Variants in OSBPL10 observed in about 807,000 individuals in gnomAD.
OSBPL10 encodes oxysterol-binding protein-related protein 10.
OSBPL10 carries 49 observed loss-of-function variants against 81.7 expected under a neutral mutation model. The ratio of observed to expected loss-of-function variants is 0.60; its 90% CI spans 0.48 to 0.76. OSBPL10 has a LOEUF of 0.76. Among genes scored for constraint, OSBPL10 ranks in the 30% least tolerant of loss-of-function variants. OSBPL10 has a pLI of 0.00. For missense variants in OSBPL10, 923 were observed against 987.8 expected (o/e 0.93, Z 0.88); for synonymous variants, 419 against 383.6 (o/e 1.09, Z -1.08).
At chr3:31,989,562 G>A (rs376800921) in intron 2 of OSBPL10, 26 of 1,614,008 alleles carry the variant, frequency 1.6e-5, no homozygotes, top group East Asian at 4.5e-5. Flanking sequence ...GCTTTCATTC[G>A]CATCTTCCTG....
chr3:31,840,732 GCTT>G (rs771553847), intron 3 of OSBPL10, among the ~76,000 whole-genome samples: 2 of 152,154 alleles, frequency 1.3e-5, no homozygotes, highest in Non-Finnish European at 1.5e-5. Flanking sequence ...TTGATATTTG[GCTT>G]CTTCTTTTCT....
intron 2 of OSBPL10, chr3:32,030,789 A>G: frequency 3.4e-6 from 2 of 581,206 alleles, no homozygotes; most frequent in Non-Finnish European, 6.1e-6. Flanking sequence ...TTGGAAACAC[A>G]TTTTCTCCAA....
chr3:31,783,789 T>TAAAAAAAA (rs869137696), intron 4 of OSBPL10, among the ~76,000 whole-genome samples: 3 of 19,956 alleles, frequency 1.5e-4, no homozygotes, highest in African/African-American at 4.6e-4. Flanking sequence ...AGACTCCGAT[T>TAAAAAAAA]AAAAAAAAAA....
Position 31,879,850 on chromosome 3 carries a change from T to C in OSBPL10, c.282-20A>G, listed in dbSNP as rs1695507660. The C allele has an allele frequency of 1.9e-6, 3 of 1,607,666 alleles. No individual in the cohort carries two copies. Among genetic ancestry groups the C allele is most frequent in the South Asian group, 2.2e-5 (2 of 89,926 alleles). ...AAGTACCTGCACAGAGAAACCACAG[T>C]ACATCATTTTTCTCTCCTACCCTAT... On this transcript the variant is annotated intron_variant, in intron 1 of 11. Transcript: ENST00000396556.
At chr3:31,788,092 T>G (rs936166002) in intron 4 of OSBPL10, among the ~76,000 whole-genome samples, 1 of 150,990 alleles carries the variant, frequency 6.6e-6, no homozygotes, top group Non-Finnish European at 1.5e-5. Context: ...TAGGTTATTG[T>G]TTTTTTTCTC....
At chr3:31,673,080 G>C (rs1313691763) in intron 8 of OSBPL10, among the ~76,000 whole-genome samples, 2 of 152,052 alleles carry the variant, frequency 1.3e-5, no homozygotes, top group Non-Finnish European at 2.9e-5. Flanking sequence ...AAAGCCCCAG[G>C]CCACCTCTTG....
rs143583788 is a variant in OSBPL10 at position 31,993,164 on chromosome 3, CTTATTTTATTTTATTTTATT to C, written n.298+53307_298+53326del. ...CCTCAAAATGCAGAAGTAAGAAAAC[CTTATTTTATTTTATTTTATT>C]TTATTTTATTTTATTTTATTTTATT... On this transcript the variant is annotated intron_variant and non_coding_transcript_variant, in intron 2 of 3. Coordinates refer to the OSBPL10 transcript ENST00000479173. 8.9e-4 allele frequency among the ~76,000 whole-genome samples: 115 copies of C among 129,112 alleles called. 1 individual carries two copies. Among genetic ancestry groups the C allele is most frequent in the East Asian group, 4.4e-3 (19 of 4,362 alleles). 84.7% of individuals were successfully genotyped at this position (129,112 alleles called of 152,430 possible).
At chr3:31,997,670 C>T (rs988946382) in intron 2 of OSBPL10, among the ~76,000 whole-genome samples, 1 of 152,012 alleles carries the variant, frequency 6.6e-6, no homozygotes, top group Non-Finnish European at 1.5e-5. Context: ...AGTCTGCTTA[C>T]CACAAATTTC....
At chr3:31,981,409 G>A, upstream of OSBPL10, 1 of 628,224 alleles carries the variant, frequency 1.6e-6, no homozygotes, top group Non-Finnish European at 2.3e-6. The surrounding 1 kb of genome is among the most constrained non-coding windows in gnomAD (Gnocchi z 4.5). Flanking sequence ...CGCGGCCAGG[G>A]CCCGGCCCCT....
intron 2 of OSBPL10, among the ~76,000 whole-genome samples, chr3:32,031,819 T>C (rs946994210): frequency 6.6e-6 from 1 of 152,098 alleles, no homozygotes; most frequent in African/African-American, 2.4e-5. Context: ...TCAACAAATA[T>C]TCAGAAATAG....
At position 31,965,421 on chromosome 3, in the gene OSBPL10, T is replaced by A. The variant is rs1206724457; in HGVS notation, c.281+15478A>T. ...TATAATATAAAATATATATTATATATAATAGATAATATATAATATATATTA... is the reference window on the plus strand; with the variant it reads ...TATAATATAAAATATATATTATATAAAATAGATAATATATAATATATATTA... On this transcript the variant is annotated intron_variant, in intron 1 of 11. Coordinates refer to ENST00000396556, the MANE Select transcript of OSBPL10 (RefSeq NM_017784.5). Among the ~76,000 whole-genome samples, 8 of 105,880 alleles carry A rather than the reference T, an allele frequency of 7.6e-5. 1 individual carries two copies. Among genetic ancestry groups the A allele is most frequent in the African/African-American group, 2.4e-4 (6 of 25,120 alleles). 69.5% of individuals were successfully genotyped at this position (105,880 alleles called of 152,430 possible).
chr3:31,763,764 A>C (rs890760441), intron 4 of OSBPL10, among the ~76,000 whole-genome samples: 1 of 152,224 alleles, frequency 6.6e-6, no homozygotes, highest in African/African-American at 2.4e-5. Flanking sequence ...ATGCATCTCC[A>C]AATGGCACTT....
At chr3:31,665,934 G>A (rs76981842) in intron 10 of OSBPL10, among the ~76,000 whole-genome samples, 6 of 152,284 alleles carry the variant, frequency 3.9e-5, no homozygotes, top group African/African-American at 1.4e-4. Flanking sequence ...AGGGTGATGG[G>A]ACCAGAACCA....
At chr3:31,891,683 G>A (rs1052887942) in intron 1 of OSBPL10, among the ~76,000 whole-genome samples, 2 of 152,110 alleles carry the variant, frequency 1.3e-5, no homozygotes, top group African/African-American at 4.8e-5. Flanking sequence ...GCCATTTTTG[G>A]GGGGTGCCAG....
chr3:32,008,412 T>C (rs958765880), intron 2 of OSBPL10, among the ~76,000 whole-genome samples: 1 of 151,646 alleles, frequency 6.6e-6, no homozygotes, highest in Admixed American at 6.6e-5. Context: ...CTTGGCTTCC[T>C]ACAGTGCTGG....
chr3:32,060,405 C>T (rs1010836409), intron 1 of OSBPL10, among the ~76,000 whole-genome samples: 3 of 152,154 alleles, frequency 2.0e-5, no homozygotes, highest in Non-Finnish European at 4.4e-5. Context: ...CCAGGCCGAA[C>T]GCCATCATTC....
chr3:31,847,649 TGAGA>T (rs1022811019), intron 3 of OSBPL10, among the ~76,000 whole-genome samples: 1 of 152,032 alleles, frequency 6.6e-6, no homozygotes, highest in African/African-American at 2.4e-5. Context: ...CACTCAACAC[TGAGA>T]GAGAGAATAC....
chr3:32,038,792 T>A (rs1226255005), intron 2 of OSBPL10, among the ~76,000 whole-genome samples: 3 of 152,180 alleles, frequency 2.0e-5, no homozygotes, highest in Non-Finnish European at 2.9e-5. Flanking sequence ...CTAAAAATCA[T>A]TTAATTGTAC....
At chr3:31,989,012 A>G (rs528676121) in intron 2 of OSBPL10, 1 of 1,582,974 alleles carries the variant, frequency 6.3e-7, no homozygotes, top group Non-Finnish European at 8.6e-7. Context: ...ACAGATAACT[A>G]ATACAGAGCA....
Sources: gnomAD v4.1 joint callset for allele counts (sites outside exome capture counted in the v4.1 genomes callset) on GRCh38, gnomAD v4.1.1 for gene constraint, Gnocchi (gnomAD v3.1) non-coding constraint, MANE v1.5 for transcripts, NCBI Gene and HGNC (gene_info 2026-07-23, HGNC 2026-07-21) for gene names.